Variants in PTPRD observed in about 807,000 individuals in gnomAD.
PTPRD encodes receptor-type tyrosine-protein phosphatase delta.
In PTPRD, 34 loss-of-function variants were observed where a neutral mutation model predicts 214.5. The ratio of observed to expected loss-of-function variants is 0.16; its 90% confidence interval spans 0.12 to 0.21. The LOEUF is 0.21. Among genes scored for constraint, PTPRD ranks in the 10% least tolerant of loss-of-function variants. PTPRD has a pLI of 1.00. For missense variants in PTPRD, 2,545 were observed against 2,398.7 expected (o/e 1.06, Z -1.27); for synonymous variants, 1,128 against 845.7 (o/e 1.33, Z -5.79).
intron 5 of PTPRD, among the ~76,000 whole-genome samples, chr9:9,825,396 CAGAGAGAGAA>C (rs1373204874): frequency 1.4e-5 from 2 of 144,908 alleles, no homozygotes; most frequent in Admixed American, 1.4e-4. Flanking sequence ...GAGAGAGAGA[CAGAGAGAGAA>C]AGAGAGAGAG....
chr9:8,924,949 A>C (rs914870601), intron 11 of PTPRD, among the ~76,000 whole-genome samples: 6 of 152,154 alleles, frequency 3.9e-5, no homozygotes, highest in African/African-American at 1.4e-4. Context: ...TATGCTGCTG[A>C]TGATTGTGGT....
intron 8 of PTPRD, among the ~76,000 whole-genome samples, chr9:9,548,030 T>C (rs1157020520): frequency 1.3e-5 from 2 of 152,134 alleles, no homozygotes; most frequent in South Asian, 2.1e-4. Flanking sequence ...AGAAAAACAC[T>C]GCTGTCCAAT....
intron 11 of PTPRD, among the ~76,000 whole-genome samples, chr9:8,870,870 G>T (rs552309913): frequency 2.6e-5 from 4 of 152,096 alleles, no homozygotes; most frequent in Non-Finnish European, 5.9e-5. Context: ...TCCTGATAGC[G>T]CTTCAAAGCG....
At chr9:8,666,461 T>C (rs2097172335) in intron 12 of PTPRD, among the ~76,000 whole-genome samples, 1 of 152,210 alleles carries the variant, frequency 6.6e-6, no homozygotes, top group African/African-American at 2.4e-5. Flanking sequence ...AAAGCCATAA[T>C]CTGAATGGAA....
At chr9:10,019,925 T>C (rs1042690360) in intron 4 of PTPRD, among the ~76,000 whole-genome samples, 1 of 117,788 alleles carries the variant, frequency 8.5e-6, no homozygotes, top group African/African-American at 2.5e-5. Context: ...ACTTAAAGTA[T>C]AATAAAAAAA....
intron 8 of PTPRD, among the ~76,000 whole-genome samples, chr9:9,516,386 A>T (rs1356783418): frequency 6.6e-6 from 1 of 152,044 alleles, no homozygotes; most frequent in African/African-American, 2.4e-5. Flanking sequence ...ACGTTGTGTG[A>T]ACTTGATCGA....
chr9:10,017,264 T>C (rs183417828), intron 4 of PTPRD, among the ~76,000 whole-genome samples: 340 of 152,240 alleles, frequency 2.2e-3, no homozygotes, highest in African/African-American at 7.3e-3. Context: ...CTTGTAAAAT[T>C]TGTCCATTTC....
intron 27 of PTPRD, among the ~76,000 whole-genome samples, chr9:8,486,859 G>A (rs1450799640): frequency 6.6e-6 from 1 of 152,164 alleles, no homozygotes; most frequent in East Asian, 1.9e-4. Context: ...TCTATAATGA[G>A]AAAATGAGGC....
In PTPRD at chr9:9,630,654, G is replaced by T. The variant is rs189019258; in HGVS notation, c.-286-55873C>A. ...AGGAGAGTCAGTATGCAAAATCCGG[G>T]AGGAAAATAGTGACTGGAAGATAAA... is the stretch of plus-strand genomic sequence containing the variant. On this transcript the variant is annotated intron_variant, in intron 7 of 45. Transcript: ENST00000381196. 4.0e-3 allele frequency among the ~76,000 whole-genome samples: 610 copies of T among 152,230 alleles called. 2 individuals carry two copies. The highest frequency in any genetic ancestry group is 6.6e-3 in the Non-Finnish European group (446 of 68,006).
At chr9:9,897,293 T>A (rs1242131150) in intron 5 of PTPRD, among the ~76,000 whole-genome samples, 1 of 152,096 alleles carries the variant, frequency 6.6e-6, no homozygotes, top group Admixed American at 6.6e-5. Context: ...CTTACTAATT[T>A]GCTATATGAA....
intron 9 of PTPRD, among the ~76,000 whole-genome samples, chr9:9,318,408 T>C (rs1051240359): frequency 6.6e-6 from 1 of 152,082 alleles, no homozygotes; most frequent in African/African-American, 2.4e-5. Flanking sequence ...AAGAAGACTA[T>C]AAAATGAGAT....
chr9:8,394,146 T>C (rs2090427840), intron 36 of PTPRD, among the ~76,000 whole-genome samples: 1 of 151,360 alleles, frequency 6.6e-6, no homozygotes, highest in South Asian at 2.1e-4. Flanking sequence ...CTTTGAATAA[T>C]GGGGTCATGT....
In PTPRD at chr9:10,119,810, T is replaced by A. The variant is rs118103443; in HGVS notation, c.-544-86020A>T. ...GCATTACTATTAGTTATCTACAATG[T>A]ACAGAGTTGTAACATAGCTCCGAGA... On this transcript the variant is annotated intron_variant, in intron 3 of 45. Transcript: ENST00000381196. Among the ~76,000 whole-genome samples the A allele has an allele frequency of 2.7e-3, 416 of 152,194 alleles. 3 individuals are homozygous for A. Among genetic ancestry groups the A allele is most frequent in the Admixed American group, 5.4e-3 (82 of 15,274 alleles).
intron 7 of PTPRD, among the ~76,000 whole-genome samples, chr9:9,683,551 T>A (rs991891119): frequency 4.0e-5 from 6 of 151,722 alleles, no homozygotes; most frequent in Admixed American, 1.3e-4. Context: ...ATATAAAGCA[T>A]AACATCCCTA....
At chr9:9,330,354 C>T (rs1272544850) in intron 9 of PTPRD, among the ~76,000 whole-genome samples, 2 of 152,090 alleles carry the variant, frequency 1.3e-5, no homozygotes, top group African/African-American at 4.8e-5. Flanking sequence ...AATACATATA[C>T]ATATTCTCTC....
intron 11 of PTPRD, among the ~76,000 whole-genome samples, chr9:8,804,806 G>C (rs1217473159): frequency 6.6e-6 from 1 of 152,116 alleles, no homozygotes; most frequent in Non-Finnish European, 1.5e-5. Context: ...TAGCCACAAG[G>C]ACTTTAGCTC....
chr9:9,070,162 A>T (rs1017257425), intron 10 of PTPRD, among the ~76,000 whole-genome samples: 4 of 152,174 alleles, frequency 2.6e-5, no homozygotes, highest in South Asian at 2.1e-4. Flanking sequence ...GACTTAAATT[A>T]GCTAGATTCT....
chr9:9,857,240 C>G (rs2061728523), intron 5 of PTPRD, among the ~76,000 whole-genome samples: 1 of 152,158 alleles, frequency 6.6e-6, no homozygotes, highest in South Asian at 2.1e-4. Context: ...ATGTTTTTGT[C>G]TTTCCCCTAA....
intron 2 of PTPRD, among the ~76,000 whole-genome samples, chr9:10,455,158 T>C (rs928745656): frequency 4.0e-5 from 6 of 151,772 alleles, no homozygotes; most frequent in Non-Finnish European, 8.9e-5. Flanking sequence ...TGACACAAAC[T>C]GATGATGTAA....
Sources: allele counts gnomAD v4.1 joint callset (sites outside exome capture counted in the v4.1 genomes callset), GRCh38; gene constraint gnomAD v4.1.1; transcripts MANE v1.5; gene names NCBI Gene and HGNC (gene_info 2026-07-23, HGNC 2026-07-21).